The following ANKS1A variants were observed in gnomAD, a reference collection of about 807,000 sequenced individuals.
ANKS1A encodes ankyrin repeat and sterile alpha motif domain containing 1A.
Under a neutral mutation model 120.3 loss-of-function variants are expected in ANKS1A, and 55 were observed. The ratio of observed to expected loss-of-function variants is 0.46; its 90% CI spans 0.37 to 0.57. The LOEUF (loss-of-function observed/expected upper bound fraction) is 0.57. ANKS1A is among the 20% of genes least tolerant of loss of function. The probability of loss-of-function intolerance (pLI) is 0.00; values close to 1 mark genes in which losing one functional copy is unlikely to be tolerated. For missense variants in ANKS1A, 1,123 were observed against 1,480.3 expected, an observed-to-expected ratio of 0.76 and a Z score of 3.96; for synonymous variants, 590 against 604.7, an observed-to-expected ratio of 0.98 and a Z score of 0.36.
At position 35,085,694 on chromosome 6, in the gene ANKS1A, G is replaced by T. The variant is rs557256236; in HGVS notation, c.3133-72G>T. 4.7e-6 allele frequency: 7 copies of T among 1,475,374 alleles called. No individual in the cohort carries two copies. In the African/African-American group the frequency reaches 8.5e-5, roughly 18 times the overall value. The allele number at this position is 1,475,374 out of a possible 1,614,324, so 91.4% of individuals were successfully genotyped here. ...ACTTAGAGGGGGACACATGGTCCCT[G>T]CGAGGAAGGGCATATCCAGTGTGAA... On this transcript the variant is annotated intron_variant, in intron 21 of 23. Transcript: ENST00000360359. This position sits in a 1 kb window ranked among gnomAD's most constrained non-coding sequence, Gnocchi z 4.7.
At chr6:35,036,322 G>T (rs1345072733) in intron 11 of ANKS1A, among the ~76,000 whole-genome samples, 3 of 152,202 alleles carry the variant, frequency 2.0e-5, no homozygotes, top group Non-Finnish European at 2.9e-5. Context: ...CAGGCAACTA[G>T]GCAGAATATT....
At chr6:34,910,348 C>T (rs1407170696) in intron 1 of ANKS1A, among the ~76,000 whole-genome samples, 3 of 151,982 alleles carry the variant, frequency 2.0e-5, no homozygotes, top group South Asian at 2.1e-4. Flanking sequence ...GAGGATTGCT[C>T]GAGCTCAGGA....
intron 1 of ANKS1A, among the ~76,000 whole-genome samples, chr6:34,966,886 GTACAGGAGTGAGAGGTCAA>G (rs1409113006): frequency 6.6e-6 from 1 of 152,162 alleles, no homozygotes. Context: ...TCAGTCACCA[GTACAGGAGTGAGAGGTCAA>G]TACCTGTGAC....
At chr6:34,905,159 T>A (rs1581672279) in intron 1 of ANKS1A, among the ~76,000 whole-genome samples, 1 of 152,336 alleles carries the variant, frequency 6.6e-6, no homozygotes, top group South Asian at 2.1e-4. Context: ...ATTGGAGTCA[T>A]CACATGATGA....
chr6:34,946,500 A>G (rs1031477300), intron 1 of ANKS1A, among the ~76,000 whole-genome samples: 1 of 151,186 alleles, frequency 6.6e-6, no homozygotes. Flanking sequence ...AGGTGGGAGA[A>G]TTGCTTGAAC....
intron 11 of ANKS1A, among the ~76,000 whole-genome samples, chr6:35,019,828 T>C (rs1774235173): frequency 6.6e-6 from 1 of 152,072 alleles, no homozygotes; most frequent in Admixed American, 6.5e-5. Flanking sequence ...CTTACCCAGG[T>C]CTGAGATTTT....
At chr6:35,051,715 C>T (rs1489291020) in intron 11 of ANKS1A, among the ~76,000 whole-genome samples, 3 of 152,118 alleles carry the variant, frequency 2.0e-5, no homozygotes, top group Non-Finnish European at 2.9e-5. Context: ...GAATAGAATG[C>T]GGAGAGGCAA....
At chr6:34,975,465 A>T (rs1200794046) in intron 3 of ANKS1A, among the ~76,000 whole-genome samples, 2 of 151,766 alleles carry the variant, frequency 1.3e-5, no homozygotes, top group African/African-American at 2.4e-5. Flanking sequence ...AAAAACAACA[A>T]AAAAAAGGAA....
At chr6:35,070,484 CTTTTTTT>C (rs869249276) in intron 13 of ANKS1A, among the ~76,000 whole-genome samples, 659 of 63,026 alleles carry the variant, frequency 0.01, 8 homozygotes, top group African/African-American at 0.038. Context: ...AAGCCTTTAT[CTTTTTTT>C]TTTTTTTTTT....
chr6:35,084,232 T>A lies in ANKS1A; in HGVS notation c.3106T>A (p.Cys1036Ser). The A allele has an allele frequency of 6.2e-7, 1 of 1,614,186 alleles. No homozygotes were observed. The highest frequency in any genetic ancestry group is 8.5e-7 in the Non-Finnish European group (1 of 1,180,016). ...TKDLQTSHHYCHVFSTVDVNL... is the reference protein window; with the variant it reads ...TKDLQTSHHYSHVFSTVDVNL... ...GGACCTGCAGACCAGCCACCACTAT[T>A]GCCATGTGTTCAGCACCGTGGATGT... is the stretch of plus-strand genomic sequence containing the variant. The change falls in exon 21 of 24, where the codon TGC (cysteine) becomes AGC (serine). Residue 1036 changes from cysteine (C) to serine (S), a missense_variant. Physicochemically the swap from Cys to Ser is moderately radical, Grantham distance 112 (BLOSUM62 -1). This residue lies in a region of ANKS1A where 904 missense variants were observed against 1,130.4 expected (regional missense o/e 0.80). Coordinates refer to ENST00000360359, the MANE Select transcript of ANKS1A (RefSeq NM_015245.3). This position sits in a 1 kb window ranked among gnomAD's most constrained non-coding sequence, Gnocchi z 4.8.
intron 1 of ANKS1A, among the ~76,000 whole-genome samples, chr6:34,923,570 C>A (rs775958917): frequency 1.1e-4 from 17 of 152,178 alleles, no homozygotes; most frequent in Non-Finnish European, 2.4e-4. Flanking sequence ...AAGTAGGTAA[C>A]CAGACCCCCT....
At chr6:34,965,524 G>A (rs1426371447) in intron 1 of ANKS1A, among the ~76,000 whole-genome samples, 6 of 151,912 alleles carry the variant, frequency 3.9e-5, no homozygotes, top group Non-Finnish European at 7.4e-5. Context: ...GCTAATTTTT[G>A]TATTTTTAGT....
rs1438062160 is a variant in ANKS1A at position 35,081,094 on chromosome 6, G to A, written c.2645G>A (p.Arg882Lys). 1.2e-6 allele frequency: 2 copies of A among 1,613,884 alleles called. No individual in the cohort carries two copies. Among genetic ancestry groups the A allele is most frequent in the African/African-American group, 2.7e-5 (2 of 75,060 alleles). The change falls in exon 17 of 24, where the codon AGG becomes AAG. Residue 882 changes from arginine (R) to lysine (K), a missense_variant. Arg to Lys is a conservative substitution (Grantham distance 26). Coordinates refer to ENST00000360359, the MANE Select transcript of ANKS1A (RefSeq NM_015245.3). The part of the protein sequence containing the change: ...DLLLPPGDTG[R>K]RRHDSLHDPA... ...CTGCTGCCTCCAGGGGACACAGGCA[G>A]GAGGCGCCATGACAGTCTCCATGAC...
chr6:35,076,962 G>A (rs961515117), intron 13 of ANKS1A, among the ~76,000 whole-genome samples: 2 of 152,116 alleles, frequency 1.3e-5, no homozygotes, highest in African/African-American at 4.8e-5. Context: ...GGCTTGGGCA[G>A]GTCCAGCGTG....
intron 1 of ANKS1A, among the ~76,000 whole-genome samples, chr6:34,911,014 A>G (rs1315146551): frequency 6.6e-6 from 1 of 152,194 alleles, no homozygotes; most frequent in Non-Finnish European, 1.5e-5. Context: ...CCTCTCTAGT[A>G]GAAGGGTAGT....
At chr6:34,969,897 C>A in intron 2 of ANKS1A, 113 bp from the exon 3 acceptor site, 1 of 1,286,030 alleles carries the variant, frequency 7.8e-7, no homozygotes, top group Non-Finnish European at 1.1e-6. Flanking sequence ...GGTAGAGACA[C>A]AGGAGCCAAA....
chr6:34,943,580 T>G (rs1174524271), intron 1 of ANKS1A, among the ~76,000 whole-genome samples: 2 of 152,184 alleles, frequency 1.3e-5, no homozygotes, highest in Admixed American at 6.5e-5. Context: ...GCTCCATCTA[T>G]TCACCTGTCT....
intron 12 of ANKS1A, among the ~76,000 whole-genome samples, chr6:35,054,681 T>G (rs1349594163): frequency 2.6e-5 from 4 of 152,232 alleles, no homozygotes; most frequent in African/African-American, 9.6e-5. Flanking sequence ...TCACTTACCA[T>G]TCTTACACTG....
intron 19 of ANKS1A, 24 bp downstream of exon 19, chr6:35,083,250 G>A (rs757042788): frequency 3.7e-6 from 6 of 1,613,854 alleles, no homozygotes; most frequent in Non-Finnish European, 5.1e-6. Context: ...GTGGGCTGGA[G>A]GGCGCTGTGG....
Sources: gnomAD v4.1 joint callset for allele counts (sites outside exome capture counted in the v4.1 genomes callset) on GRCh38, gnomAD v4.1.1 for gene constraint, gnomAD v4.1.1 regional missense constraint, Gnocchi (gnomAD v3.1) non-coding constraint, MANE v1.5 for transcripts, NCBI Gene and HGNC (gene_info 2026-07-23, HGNC 2026-07-21) for gene names.